The following ASAH1 variants were observed in gnomAD, a reference collection of about 807,000 sequenced individuals.
ASAH1 encodes the protein N-acylsphingosine amidohydrolase 1.
ASAH1 carries 70 observed loss-of-function variants against 59.5 expected under a neutral mutation model. The observed-to-expected ratio is 1.18, with a 90% confidence interval of 0.97 to 1.43. The LOEUF is 1.43. Among genes scored for constraint, ASAH1 ranks in the 40% most tolerant of loss-of-function variants. The probability of loss-of-function intolerance (pLI) is 0.00; values close to 1 mark genes in which losing one functional copy is unlikely to be tolerated. For synonymous variants in ASAH1, 213 were observed against 166.5 expected, an observed-to-expected ratio of 1.28 and a Z score of -2.15; for missense variants, 660 against 482.5, an observed-to-expected ratio of 1.37 and a Z score of -3.45.
chr8:18,062,923 T>G (rs1440726705), intron 7 of ASAH1: 1 of 414,438 alleles, frequency 2.4e-6, no homozygotes, highest in Non-Finnish European at 4.4e-6. Context: ...CAAGCTGCAG[T>G]GCAGTGGCGC....
chr8:18,071,823 CT>C (rs1800190029), intron 2 of ASAH1, among the ~76,000 whole-genome samples: 1 of 152,142 alleles, frequency 6.6e-6, no homozygotes. Context: ...AAACCAATGT[CT>C]CCAGTGTTGC....
rs190476632 is a variant in ASAH1 at position 18,058,816 on chromosome 8, C to A, written c.1098+19G>T. 28 of 1,595,302 alleles carry A rather than the reference C, an allele frequency of 1.8e-5. No individual in the cohort carries two copies. In the East Asian group the frequency reaches 3.6e-4, roughly 20 times the overall value. ...ATTCTTTCCCTAAAAGGCAAATATA[C>A]ATATAACATTTAAAATACCTTGTTG... On this transcript the variant is annotated intron_variant, in intron 13 of 13. Transcript: ENST00000637790.
At chr8:18,063,566 G>A (rs1234370) in intron 6 of ASAH1, 14,980 of 250,536 alleles carry the variant, frequency 0.06, 585 homozygotes, top group Admixed American at 0.1. Context: ...TGATTCGCCC[G>A]CCTCGGCCTC....
At chr8:18,061,804 C>G in intron 8 of ASAH1, 64 bp from the exon 9 acceptor site, 1 of 1,434,762 alleles carries the variant, frequency 7.0e-7, no homozygotes, top group Non-Finnish European at 9.6e-7. Flanking sequence ...CCCTGTCGCT[C>G]ACTGTACTTC....
In ASAH1 at chr8:18,059,354, C is replaced by G. The variant is rs754934260; in HGVS notation, c.1028G>C (p.Arg343Pro). Residue 343 changes from arginine to proline, a missense_variant, in exon 12 of 14, where the codon CGC becomes CCC. Physicochemically the swap from Arg to Pro is moderately radical, Grantham distance 103. Coordinates refer to ENST00000637790, the MANE Select transcript of ASAH1 (RefSeq NM_177924.5). Reference protein sequence around the residue: ...RRTPAKMCLNRTSQENISFET... With the variant: ...RRTPAKMCLNPTSQENISFET... ...CTGCAAAGGTACCTCTTGGCTGGTG[C>G]GGTTCAGACACATCTTTGCAGGCGT... 6.2e-7 allele frequency: 1 copy of G among 1,614,162 alleles called. No individual in the cohort carries two copies. The highest frequency in any genetic ancestry group is 8.5e-7 in the Non-Finnish European group (1 of 1,180,022).
Position 18,075,563 on chromosome 8 carries a change from T to C in ASAH1, c.103A>G (p.Thr35Ala), listed in dbSNP as rs950878559. ...PPWTEDCRKS[T>A]YPPSGPTYRG... Reference sequence around the variant, plus strand: ...CACGTTGGTCCTGAAGGAGGATAGGTTGATTTTCTGCAGTCCTCTGTCCAC... The same window carrying C: ...CACGTTGGTCCTGAAGGAGGATAGGCTGATTTTCTGCAGTCCTCTGTCCAC... Residue 35 changes from threonine to alanine, a missense_variant, in exon 2 of 14, where the codon ACC (threonine) becomes GCC (alanine). By Grantham distance (58) the Thr-to-Ala change is moderately conservative (BLOSUM62 0). Coordinates refer to ENST00000637790, the MANE Select transcript of ASAH1 (RefSeq NM_177924.5). 5 of 1,614,050 alleles carry C rather than the reference T, an allele frequency of 3.1e-6. No individual in the cohort carries two copies. The highest frequency in any genetic ancestry group is 4.2e-6 in the Non-Finnish European group (5 of 1,180,030).
At chr8:18,084,630 G>A (rs535931551), upstream of ASAH1, 29 of 1,610,886 alleles carry the variant, frequency 1.8e-5, no homozygotes, top group South Asian at 2.7e-4. Flanking sequence ...CGAGGAGTGA[G>A]AGAGAATCGA....
At chr8:18,078,532 A>G (rs1269275266) in intron 1 of ASAH1, among the ~76,000 whole-genome samples, 2 of 152,198 alleles carry the variant, frequency 1.3e-5, no homozygotes, top group Non-Finnish European at 1.5e-5. Context: ...TTATGCAAAA[A>G]GGTTAGTTTT....
At chr8:18,084,316 G>A, upstream of ASAH1, 1 of 1,426,610 alleles carries the variant, frequency 7.0e-7, no homozygotes, top group Non-Finnish European at 9.1e-7. Flanking sequence ...ATCGCCTTTG[G>A]CGCGTGGCGT....
upstream of ASAH1, chr8:18,084,267 G>A (rs557420198): frequency 1.4e-6 from 2 of 1,447,432 alleles, no homozygotes; most frequent in Non-Finnish European, 9.0e-7. Context: ...TAGAGAAAGA[G>A]AGAGAGCCTT....
At chr8:18,062,498 C>A (rs1472596919) in intron 7 of ASAH1, 75 bp from the exon 8 acceptor site, 2 of 1,511,242 alleles carry the variant, frequency 1.3e-6, no homozygotes, top group African/African-American at 2.7e-5. Flanking sequence ...GAGGGCCAGG[C>A]ATTACACTAG....
At chr8:18,067,329 T>A (rs1222146784) in intron 4 of ASAH1, 31 bp from the exon 5 acceptor site, 5 of 1,305,888 alleles carry the variant, frequency 3.8e-6, no homozygotes, top group Non-Finnish European at 5.2e-6. Flanking sequence ...TAAAAGCATT[T>A]AACATAATAA....
intron 2 of ASAH1, among the ~76,000 whole-genome samples, chr8:18,071,714 T>TC: frequency 6.6e-6 from 1 of 151,856 alleles, no homozygotes; most frequent in Non-Finnish European, 1.5e-5. Flanking sequence ...ATTTTTTTTT[T>TC]CTCCTAAATA....
At chr8:18,069,953 G>T in intron 3 of ASAH1, 75 bp from the exon 4 acceptor site, 1 of 1,000,224 alleles carries the variant, frequency 1.0e-6, no homozygotes, top group Non-Finnish European at 1.5e-6. Context: ...TTACCCATAT[G>T]TAGCTAAAAG....
Position 18,062,405 on chromosome 8 carries a change from ATCATTATT to A in ASAH1, c.514_521del (p.Asn172TyrfsTer6). Reference sequence around the variant, plus strand: ...TTAGTTGCTCAGTTATGACCCAGGTATCATTATTTATGTTCCACCTATAAAAGACATGT... The same window carrying A: ...TTAGTTGCTCAGTTATGACCCAGGTATATGTTCCACCTATAAAAGACATGT... On this transcript the variant is annotated frameshift_variant, in exon 8 of 14. Coordinates refer to ENST00000637790, the MANE Select transcript of ASAH1 (RefSeq NM_177924.5). LOFTEE classifies it high-confidence loss of function. 6.2e-7 allele frequency: 1 copy of A among 1,614,150 alleles called. No homozygotes were observed. The highest frequency in any genetic ancestry group is 8.5e-7 in the Non-Finnish European group (1 of 1,180,000).
At chr8:18,083,740 T>C (rs1338987268) in intron 1 of ASAH1, among the ~76,000 whole-genome samples, 1 of 152,238 alleles carries the variant, frequency 6.6e-6, no homozygotes, top group East Asian at 1.9e-4. Flanking sequence ...CACCCAGGTA[T>C]CCTGCAGAGA....
At chr8:18,076,765 A>T (rs1800420288) in intron 1 of ASAH1, 1 of 152,204 alleles carries the variant, frequency 6.6e-6, no homozygotes, top group South Asian at 2.1e-4. Context: ...TAGCTTGAGC[A>T]CAGAAAATGT....
chr8:18,074,833 T>C (rs1435843807), intron 2 of ASAH1, among the ~76,000 whole-genome samples: 1 of 152,218 alleles, frequency 6.6e-6, no homozygotes, highest in African/African-American at 2.4e-5. Context: ...TTTGAGAACG[T>C]TTCACATATG....
At chr8:18,084,350 G>A, upstream of ASAH1, 3 of 1,413,870 alleles carry the variant, frequency 2.1e-6, no homozygotes, top group East Asian at 2.6e-5. Context: ...CCCCCACCGC[G>A]GGCAATAGTC....
Sources: gnomAD v4.1 joint callset for allele counts (sites outside exome capture counted in the v4.1 genomes callset) on GRCh38, gnomAD v4.1.1 for gene constraint, MANE v1.5 for transcripts, NCBI Gene and HGNC (gene_info 2026-07-23, HGNC 2026-07-21) for gene names.